Variants in OLFM3 observed in about 807,000 individuals in gnomAD.
OLFM3 encodes noelin-3.
In OLFM3, 20 loss-of-function variants were observed where a neutral mutation model predicts 48.6. The ratio of observed to expected loss-of-function variants is 0.41; its 90% CI spans 0.29 to 0.60. The LOEUF is 0.60. Ranked by LOEUF, OLFM3 falls within the 20% of genes least tolerant of loss-of-function variation. The pLI, the probability that OLFM3 is intolerant of heterozygous loss-of-function variation, is 0.28. For synonymous variants in OLFM3, 222 were observed against 198.1 expected (o/e 1.12, Z -1.01); for missense variants, 437 against 544.3 (o/e 0.80, Z 1.96).
At chr1:101,956,103 T>TTTTTTTTTTTTTA (rs781231551) in intron 1 of OLFM3, among the ~76,000 whole-genome samples, 3 of 143,254 alleles carry the variant, frequency 2.1e-5, no homozygotes, top group African/African-American at 5.3e-5. Flanking sequence ...TTTTTTTTTT[T>TTTTTTTTTTTTTA]AAAAAAAACC....
rs145152355 is a variant in OLFM3 at position 101,810,843 on chromosome 1, A to G, written c.593-4661T>C. 3.9e-3 allele frequency among the ~76,000 whole-genome samples: 596 copies of G among 151,702 alleles called. 15 individuals are homozygous for G. Among genetic ancestry groups the G allele is most frequent in the Admixed American group, 0.036 (553 of 15,202 alleles). On this transcript the variant is annotated intron_variant, in intron 4 of 5. Transcript: ENST00000370103. ...TATGAATTATAATATTTATCACTTA[A>G]TATATATATCAAAGCTAATAAATTT...
At chr1:101,940,442 CTATCTATCTTTCTAATCTAT>C (rs1233738243) in intron 1 of OLFM3, among the ~76,000 whole-genome samples, 5 of 145,908 alleles carry the variant, frequency 3.4e-5, no homozygotes, top group South Asian at 2.2e-4. Context: ...AAATTTTTAT[CTATCTATCTTTCTAATCTAT>C]TATCTATCTT....
chr1:101,891,848 T>C (rs1658011169), intron 1 of OLFM3, among the ~76,000 whole-genome samples: 1 of 152,018 alleles, frequency 6.6e-6, no homozygotes, highest in African/African-American at 2.4e-5. Flanking sequence ...TAGTTATATT[T>C]CACTATGTGT....
intron 1 of OLFM3, among the ~76,000 whole-genome samples, chr1:101,897,463 T>C (rs969255290): frequency 6.6e-6 from 1 of 152,128 alleles, no homozygotes; most frequent in Non-Finnish European, 1.5e-5. Context: ...TAATTTTAGG[T>C]TGTGAATGCC....
chr1:101,828,268 A>C (rs1197910040), intron 3 of OLFM3, among the ~76,000 whole-genome samples: 1 of 152,138 alleles, frequency 6.6e-6, no homozygotes, highest in Admixed American at 6.5e-5. Context: ...CAGTTTCCTT[A>C]TCTTTAAAAT....
chr1:101,877,936 T>C (rs996656961), intron 1 of OLFM3, among the ~76,000 whole-genome samples: 2 of 151,894 alleles, frequency 1.3e-5, no homozygotes, highest in African/African-American at 2.4e-5. Context: ...TTCTATTTAA[T>C]ACTTATAAAA....
chr1:101,974,009 C>T (rs911187100), intron 1 of OLFM3, among the ~76,000 whole-genome samples: 1 of 147,896 alleles, frequency 6.8e-6, no homozygotes, highest in Non-Finnish European at 1.5e-5. Context: ...GTTCATTTGC[C>T]TTTTTTTTTT....
chr1:101,844,211 T>C (rs1005850120), intron 1 of OLFM3, among the ~76,000 whole-genome samples: 4 of 152,162 alleles, frequency 2.6e-5, no homozygotes, highest in Non-Finnish European at 5.9e-5. Context: ...GAAAGGAGGA[T>C]TTTTTTCTTC....
chr1:101,956,040 T>G (rs1274933428), intron 1 of OLFM3, among the ~76,000 whole-genome samples: 1 of 151,104 alleles, frequency 6.6e-6, no homozygotes, highest in East Asian at 1.9e-4. Flanking sequence ...TTTTACTTTA[T>G]GATTTTTTCT....
At chr1:101,808,034 T>C (rs1481422893) in intron 4 of OLFM3, among the ~76,000 whole-genome samples, 1 of 151,868 alleles carries the variant, frequency 6.6e-6, no homozygotes, top group East Asian at 1.9e-4. Flanking sequence ...ATGTCCTATA[T>C]ACATTTTTTA....
chr1:101,885,556 G>A (rs1557716394), intron 1 of OLFM3, among the ~76,000 whole-genome samples: 2 of 152,030 alleles, frequency 1.3e-5, no homozygotes, highest in Non-Finnish European at 2.9e-5. Flanking sequence ...CTGTCATGGA[G>A]ACAGCAAGAA....
intron 4 of OLFM3, among the ~76,000 whole-genome samples, chr1:101,810,092 G>A (rs764130566): frequency 6.6e-6 from 1 of 151,880 alleles, no homozygotes. Flanking sequence ...AAAGATGGGG[G>A]TGTAACTGTC....
intron 1 of OLFM3, among the ~76,000 whole-genome samples, chr1:101,876,064 A>G (rs991258445): frequency 3.3e-5 from 5 of 152,052 alleles, no homozygotes; most frequent in Admixed American, 2.0e-4. Flanking sequence ...AAAGAATTTC[A>G]CAACATAAGA....
intron 1 of OLFM3, among the ~76,000 whole-genome samples, chr1:101,892,402 A>C (rs1658035529): frequency 7.2e-6 from 1 of 139,454 alleles, no homozygotes. Flanking sequence ...TATGAGCAGC[A>C]ACAACTGAAG....
At chr1:101,810,991 G>A (rs1271633611) in intron 4 of OLFM3, among the ~76,000 whole-genome samples, 1 of 151,594 alleles carries the variant, frequency 6.6e-6, no homozygotes, top group Non-Finnish European at 1.5e-5. Flanking sequence ...TACTCCTGTT[G>A]AAGATCCACT....
intron 1 of OLFM3, among the ~76,000 whole-genome samples, chr1:101,876,750 T>A (rs942425312): frequency 2.6e-5 from 4 of 151,972 alleles, no homozygotes; most frequent in Non-Finnish European, 5.9e-5. Context: ...CCTACCTGAA[T>A]TCTATATGTT....
intron 1 of OLFM3, among the ~76,000 whole-genome samples, chr1:101,903,644 T>C (rs1266483011): frequency 6.6e-6 from 1 of 151,992 alleles, no homozygotes; most frequent in African/African-American, 2.4e-5. Context: ...ACTTAAGAAC[T>C]GCTTGTTTAC....
chr1:101,854,065 G>C (rs528253095), intron 1 of OLFM3, among the ~76,000 whole-genome samples: 1 of 152,070 alleles, frequency 6.6e-6, no homozygotes, highest in South Asian at 2.1e-4. Context: ...GGTATGTAGA[G>C]AATATTTTTA....
At chr1:101,869,242 G>A (rs1003542976) in intron 1 of OLFM3, among the ~76,000 whole-genome samples, 5 of 152,138 alleles carry the variant, frequency 3.3e-5, no homozygotes, top group Admixed American at 3.3e-4. Flanking sequence ...GGCTGAAGTG[G>A]GGCTGTACCC....
Sources: allele counts gnomAD v4.1 joint callset (sites outside exome capture counted in the v4.1 genomes callset), GRCh38; gene constraint gnomAD v4.1.1; transcripts MANE v1.5; gene names NCBI Gene and HGNC (gene_info 2026-07-23, HGNC 2026-07-21).